The following CNTNAP2 variants were observed in gnomAD, a reference collection of about 807,000 sequenced individuals.
CNTNAP2 encodes contactin-associated protein-like 2.
In CNTNAP2, 98 loss-of-function variants were observed where a neutral mutation model predicts 155.2. The ratio of observed to expected loss-of-function variants is 0.63; its 90% confidence interval spans 0.54 to 0.75. CNTNAP2 has a LOEUF of 0.75. Among genes scored for constraint, CNTNAP2 ranks in the 30% least tolerant of loss-of-function variants. The pLI is 0.00. For synonymous variants in CNTNAP2, 651 were observed against 631.2 expected, an observed-to-expected ratio of 1.03 and a Z score of -0.47; for missense variants, 1,727 against 1,688.1, an observed-to-expected ratio of 1.02 and a Z score of -0.40.
intron 22 of CNTNAP2, among the ~76,000 whole-genome samples, chr7:148,404,330 C>T (rs1042028388): frequency 6.6e-6 from 1 of 152,156 alleles, no homozygotes; most frequent in African/African-American, 2.4e-5. Context: ...AGTCTGAGGT[C>T]GCTGAGGATA....
intron 10 of CNTNAP2, among the ~76,000 whole-genome samples, chr7:147,398,044 G>A (rs1796848768): frequency 6.6e-6 from 1 of 151,988 alleles, no homozygotes; most frequent in African/African-American, 2.4e-5. Context: ...CACCTAAAAT[G>A]TTCCCAGTTC....
rs73741728 is a variant in CNTNAP2 at position 146,514,393 on chromosome 7, A to G, written c.98-259878A>G. ...TTGCTCTTTAAAGGCTATTCTCTAG[A>G]TCTCATAGGCGTTCTTTGTTTCTTT... On this transcript the variant is annotated intron_variant, in intron 1 of 23. Transcript: ENST00000361727. Among the ~76,000 whole-genome samples, 1,245 of 151,946 alleles carry G rather than the reference A, an allele frequency of 8.2e-3. 14 individuals carry two copies. The highest frequency in any genetic ancestry group is 0.065 in the Middle Eastern group (19 of 294).
chr7:146,983,565 A>G (rs1163060004), intron 3 of CNTNAP2, among the ~76,000 whole-genome samples: 1 of 152,194 alleles, frequency 6.6e-6, no homozygotes, highest in Non-Finnish European at 1.5e-5. Flanking sequence ...TTCAAATGTG[A>G]TACTCTCTTC....
intron 15 of CNTNAP2, among the ~76,000 whole-genome samples, chr7:148,045,580 G>A (rs1802760857): frequency 1.3e-5 from 2 of 152,226 alleles, no homozygotes; most frequent in African/African-American, 4.8e-5. Flanking sequence ...CATCTGCTAT[G>A]AGAAAGTCCA....
Position 147,424,214 on chromosome 7 carries a change from A to T in CNTNAP2, c.1670+28434A>T, listed in dbSNP as rs77694335. Among the ~76,000 whole-genome samples, 779 of 152,094 alleles carry T rather than the reference A, an allele frequency of 5.1e-3. 6 individuals carry two copies. The highest frequency in any genetic ancestry group is 0.018 in the African/African-American group (739 of 41,476). On this transcript the variant is annotated intron_variant, in intron 10 of 23. Transcript: ENST00000361727. ...CATTTCCTAGTTGTTTAAAATACCT[A>T]CTTATTTTCTTGTTCTCTTTTAAAG...
intron 13 of CNTNAP2, among the ~76,000 whole-genome samples, chr7:147,811,552 C>A (rs1798179694): frequency 6.6e-6 from 1 of 152,002 alleles, no homozygotes; most frequent in African/African-American, 2.4e-5. Flanking sequence ...CCCAGTGTCC[C>A]CTAGGGAGGA....
At chr7:146,800,504 T>C (rs1170042312) in intron 2 of CNTNAP2, among the ~76,000 whole-genome samples, 1 of 152,204 alleles carries the variant, frequency 6.6e-6, no homozygotes, top group African/African-American at 2.4e-5. Context: ...ACCTCTACTC[T>C]AGCTGCAAGG....
rs371250673 is a variant in CNTNAP2 at position 147,810,389 on chromosome 7, T to TA, written c.2099-93168dup. Among the ~76,000 whole-genome samples the TA allele has an allele frequency of 5.0e-3, 755 of 151,738 alleles. 6 individuals carry two copies. Among genetic ancestry groups the TA allele is most frequent in the African/African-American group, 0.017 (715 of 41,392 alleles). On this transcript the variant is annotated intron_variant, in intron 13 of 23. Coordinates refer to ENST00000361727, the MANE Select transcript of CNTNAP2 (RefSeq NM_014141.6). ...CTCCCTTATTTTCACTTTTCTGTAC[T>TA]AAAAAAAACAGCTGTACTAACATGA...
At chr7:147,152,302 G>T (rs1344694767) in intron 8 of CNTNAP2, among the ~76,000 whole-genome samples, 6 of 151,910 alleles carry the variant, frequency 3.9e-5, no homozygotes, top group African/African-American at 1.5e-4. Flanking sequence ...TAAATTAGGA[G>T]CAGTAGGTTG....
intron 9 of CNTNAP2, among the ~76,000 whole-genome samples, chr7:147,389,181 C>T (rs1168891190): frequency 6.6e-6 from 1 of 151,950 alleles, no homozygotes; most frequent in Admixed American, 6.5e-5. Flanking sequence ...GATTAGTAGA[C>T]ATTTTGTTAT....
chr7:146,488,311 CCCTTCCTT>C (rs147867725), intron 1 of CNTNAP2, among the ~76,000 whole-genome samples: 1 of 132,384 alleles, frequency 7.6e-6, no homozygotes, highest in Non-Finnish European at 1.6e-5. Flanking sequence ...CTTCCTCCCT[CCCTTCCTT>C]CCTTCCTTCC....
intron 8 of CNTNAP2, among the ~76,000 whole-genome samples, chr7:147,257,476 G>A (rs1423725025): frequency 6.6e-6 from 1 of 152,174 alleles, no homozygotes; most frequent in Admixed American, 6.5e-5. Context: ...GGTGTGTGCA[G>A]GACCTTCTGC....
At chr7:146,207,339 C>T (rs1279525359) in intron 1 of CNTNAP2, among the ~76,000 whole-genome samples, 1 of 151,970 alleles carries the variant, frequency 6.6e-6, no homozygotes, top group Non-Finnish European at 1.5e-5. Context: ...ATCAATTACT[C>T]TCTTGGAGAC....
rs188888259 is a variant in CNTNAP2 at position 148,357,428 on chromosome 7, A to G, written c.3476-26221A>G. 1.3e-3 allele frequency among the ~76,000 whole-genome samples: 197 copies of G among 152,282 alleles called. 1 individual carries two copies. Among genetic ancestry groups the G allele is most frequent in the African/African-American group, 4.5e-3 (186 of 41,554 alleles). Reference sequence around the variant, plus strand: ...ATGAGAACAGACTAATACACCACACATGCTCATTGATTTCTTGGTTTTGTG... The same window carrying G: ...ATGAGAACAGACTAATACACCACACGTGCTCATTGATTTCTTGGTTTTGTG... On this transcript the variant is annotated intron_variant, in intron 21 of 23. Coordinates refer to ENST00000361727, the MANE Select transcript of CNTNAP2 (RefSeq NM_014141.6).
At chr7:146,291,491 G>A (rs1584851760) in intron 1 of CNTNAP2, among the ~76,000 whole-genome samples, 1 of 152,162 alleles carries the variant, frequency 6.6e-6, no homozygotes, top group East Asian at 1.9e-4. Context: ...GAGGTGAGTG[G>A]CAGCCACAGA....
chr7:147,376,422 G>T (rs112986929), intron 9 of CNTNAP2, among the ~76,000 whole-genome samples: 5,174 of 151,858 alleles, frequency 0.034, 114 homozygotes, highest in South Asian at 0.046. Flanking sequence ...GAGGAAGTAG[G>T]GTTCATATGT....
chr7:146,163,053 T>C (rs1798249374), intron 1 of CNTNAP2, among the ~76,000 whole-genome samples: 1 of 152,144 alleles, frequency 6.6e-6, no homozygotes, highest in Non-Finnish European at 1.5e-5. Flanking sequence ...ATATACCTGA[T>C]GTAAATGACC....
intron 21 of CNTNAP2, among the ~76,000 whole-genome samples, chr7:148,358,730 G>A (rs1306046167): frequency 6.6e-6 from 1 of 152,240 alleles, no homozygotes; most frequent in Admixed American, 6.5e-5. Context: ...CAGAGTAACA[G>A]AAGGGTTAAA....
chr7:146,975,791 A>G (rs986171574), intron 3 of CNTNAP2, among the ~76,000 whole-genome samples: 1 of 152,202 alleles, frequency 6.6e-6, no homozygotes, highest in African/African-American at 2.4e-5. Flanking sequence ...GACATTTCAG[A>G]TATTTTAGAG....
Sources: allele counts gnomAD v4.1 joint callset (sites outside exome capture counted in the v4.1 genomes callset), GRCh38; gene constraint gnomAD v4.1.1; transcripts MANE v1.5; gene names NCBI Gene and HGNC (gene_info 2026-07-23, HGNC 2026-07-21).